Variants in CCDC158 observed in about 807,000 individuals in gnomAD.
CCDC158 encodes the protein coiled-coil domain-containing protein 158.
A neutral mutation model predicts 138.6 loss-of-function variants in CCDC158; 116 were observed. The observed-to-expected ratio is 0.84, with a 90% CI of 0.72 to 0.98. The LOEUF is 0.98. Ranked by LOEUF, CCDC158 falls within the 50% of genes least tolerant of loss-of-function variation. CCDC158 has a pLI of 0.00. For missense variants in CCDC158, 1,265 were observed against 1,306.1 expected (o/e 0.97, Z 0.48); for synonymous variants, 436 against 442.4 (o/e 0.99, Z 0.18).
intron 18 of CCDC158, among the ~76,000 whole-genome samples, chr4:76,342,974 C>A (rs1433007480): frequency 6.6e-6 from 1 of 152,110 alleles, no homozygotes; most frequent in Admixed American, 6.6e-5. Context: ...GAAGCTGTCT[C>A]CATATACTCA....
Position 76,313,256 on chromosome 4 carries a change from T to C in CCDC158, c.3278-10A>G. 4 of 1,560,402 alleles carry C rather than the reference T, an allele frequency of 2.6e-6. No individual in the cohort carries two copies. Among genetic ancestry groups the C allele is most frequent in the Non-Finnish European group, 3.5e-6 (4 of 1,137,476 alleles). On this transcript the variant is annotated splice_polypyrimidine_tract_variant and intron_variant, in intron 24 of 24. Coordinates refer to ENST00000682701, the MANE Select transcript of CCDC158 (RefSeq NM_001394954.1). ...ATCATTGAAGACATTGCTGAAAATGTTGATAAAACAGTTAGAATAACAAAA... is the reference window on the plus strand; with the variant it reads ...ATCATTGAAGACATTGCTGAAAATGCTGATAAAACAGTTAGAATAACAAAA...
chr4:76,399,986 T>C (rs1437088377), intron 3 of CCDC158, among the ~76,000 whole-genome samples: 3 of 151,958 alleles, frequency 2.0e-5, no homozygotes, highest in Non-Finnish European at 4.4e-5. Flanking sequence ...CAGCATAGGA[T>C]ATGAGGAGAA....
intron 19 of CCDC158, 123 bp downstream of exon 19, chr4:76,333,887 T>C: frequency 3.5e-6 from 2 of 578,790 alleles, no homozygotes; most frequent in Non-Finnish European, 5.6e-6. Flanking sequence ...TTTTCTGTGG[T>C]AGTAACTTCA....
chr4:76,409,345 A>T (rs1198402661), intron 2 of CCDC158, among the ~76,000 whole-genome samples: 1 of 67,356 alleles, frequency 1.5e-5, no homozygotes, highest in Admixed American at 1.6e-4. Flanking sequence ...TAAAATTGTT[A>T]AAAAAAAAAC....
chr4:76,338,372 T>C (rs151291745), intron 18 of CCDC158, among the ~76,000 whole-genome samples: 2,157 of 152,210 alleles, frequency 0.014, 53 homozygotes, highest in African/African-American at 0.047. Context: ...TAGCTGGGCA[T>C]GGTAGCGTGT....
intron 17 of CCDC158, among the ~76,000 whole-genome samples, 185 bp downstream of exon 17, chr4:76,351,535 T>C (rs1190240774): frequency 1.3e-5 from 2 of 152,186 alleles, no homozygotes; most frequent in African/African-American, 4.8e-5. Context: ...GTGCTTCTAT[T>C]TGTTACCATA....
intron 9 of CCDC158, chr4:76,375,710 G>T (rs7685301): frequency 1.5e-6 from 1 of 685,744 alleles, no homozygotes; most frequent in East Asian, 2.7e-5. Context: ...TTCTCCTAAA[G>T]TGGAAAGAGA....
intron 24 of CCDC158, among the ~76,000 whole-genome samples, chr4:76,322,125 C>T (rs1265810539): frequency 6.6e-6 from 1 of 151,854 alleles, no homozygotes; most frequent in African/African-American, 2.4e-5. Flanking sequence ...ACCACATGTT[C>T]CCCCCAAACT....
At chr4:76,380,715 G>A (rs533502310) in intron 8 of CCDC158, among the ~76,000 whole-genome samples, 102 of 151,354 alleles carry the variant, frequency 6.7e-4, no homozygotes, top group African/African-American at 2.2e-3. Context: ...TGCATAAGAA[G>A]AGGTGCAAGA....
intron 12 of CCDC158, among the ~76,000 whole-genome samples, chr4:76,364,512 T>C (rs1290122805): frequency 6.6e-6 from 1 of 152,132 alleles, no homozygotes; most frequent in Non-Finnish European, 1.5e-5. Flanking sequence ...ATCTTGGTGA[T>C]CTGTTGTATT....
chr4:76,416,525 C>T (rs889076602), intron 1 of CCDC158, among the ~76,000 whole-genome samples: 7 of 152,210 alleles, frequency 4.6e-5, no homozygotes, highest in African/African-American at 1.4e-4. Context: ...CAGCCCACCC[C>T]AACACAGGCC....
chr4:76,322,907 C>A (rs1040849543), intron 24 of CCDC158, among the ~76,000 whole-genome samples: 1 of 152,096 alleles, frequency 6.6e-6, no homozygotes, highest in South Asian at 2.1e-4. Flanking sequence ...AAGATAAATA[C>A]CATTATTTTG....
chr4:76,349,631 G>T (rs1722871460), intron 18 of CCDC158, among the ~76,000 whole-genome samples: 1 of 152,136 alleles, frequency 6.6e-6, no homozygotes, highest in African/African-American at 2.4e-5. Context: ...CTGCACCATT[G>T]CACTCCAGCC....
intron 18 of CCDC158, among the ~76,000 whole-genome samples, chr4:76,349,037 C>A (rs1382111742): frequency 6.6e-6 from 1 of 152,046 alleles, no homozygotes; most frequent in Non-Finnish European, 1.5e-5. Flanking sequence ...TACACCAAAC[C>A]AAAGAGAAAA....
At chr4:76,361,101 C>T (rs2110210650) in intron 13 of CCDC158, among the ~76,000 whole-genome samples, 1 of 152,240 alleles carries the variant, frequency 6.6e-6, no homozygotes, top group East Asian at 1.9e-4. Context: ...TGTGTAGCAC[C>T]TCCCCCTTTG....
Position 76,396,465 on chromosome 4 carries a change from A to C in CCDC158, c.92T>G (p.Val31Gly). Reference sequence around the variant, plus strand: ...AATTATTGTACCACGAATAGATGACACAAAAAATGAACTTGAAGAACCTAA... The same window carrying C: ...AATTATTGTACCACGAATAGATGACCCAAAAAATGAACTTGAAGAACCTAA... ...SNGGSSSSFFVSSIRGTIIEN... is the reference protein window; with the variant it reads ...SNGGSSSSFFGSSIRGTIIEN... Residue 31 changes from valine to glycine, a missense_variant, in exon 4 of 25, where the codon GTG (valine) becomes GGG (glycine). Val to Gly is a moderately radical substitution (Grantham distance 109). Transcript: ENST00000682701. 6.2e-7 allele frequency: 1 copy of C among 1,605,246 alleles called. No homozygotes were observed. Among genetic ancestry groups the C allele is most frequent in the Non-Finnish European group, 8.5e-7 (1 of 1,177,696 alleles).
intron 2 of CCDC158, among the ~76,000 whole-genome samples, chr4:76,410,266 C>T (rs1729193497): frequency 6.6e-6 from 1 of 152,124 alleles, no homozygotes; most frequent in South Asian, 2.1e-4. Flanking sequence ...CTCACTGCAA[C>T]CTCCACCTCC....
chr4:76,351,577 G>C lies in CCDC158; in HGVS notation c.2538+143C>G, dbSNP rs1723042413. The C allele has an allele frequency of 6.5e-6, 4 of 617,260 alleles. No homozygotes were observed. The African/African-American group carries it at 7.4e-5, about 11-fold the overall frequency. The allele number at this position is 617,260 out of a possible 1,614,324, so 38.2% of individuals were successfully genotyped here. On this transcript the variant is annotated intron_variant, in intron 17 of 24. Coordinates refer to ENST00000682701, the MANE Select transcript of CCDC158 (RefSeq NM_001394954.1). The stretch of plus-strand genomic sequence containing the variant: ...AAGGATAGGTATAGTATATAACAAT[G>C]TACACATCTTATCATTGCTATTAAT...
chr4:76,414,867 G>A (rs181404433), intron 1 of CCDC158, among the ~76,000 whole-genome samples: 17 of 152,236 alleles, frequency 1.1e-4, no homozygotes, highest in African/African-American at 3.6e-4. Context: ...TAACAGCAGC[G>A]TGAAAACAGA....
Sources: allele counts gnomAD v4.1 joint callset (sites outside exome capture counted in the v4.1 genomes callset), GRCh38; gene constraint gnomAD v4.1.1; transcripts MANE v1.5; gene names NCBI Gene and HGNC (gene_info 2026-07-23, HGNC 2026-07-21).